The following COL21A1 variants were observed in gnomAD, a reference collection of about 807,000 sequenced individuals.
COL21A1 encodes collagen alpha-1(XXI) chain.
Under a neutral mutation model 137.9 loss-of-function variants are expected in COL21A1, and 149 were observed. The ratio of observed to expected loss-of-function variants is 1.08; its 90% CI spans 0.95 to 1.24. The LOEUF (loss-of-function observed/expected upper bound fraction) is 1.24. Ranked by LOEUF, COL21A1 falls within the 50% of genes most tolerant of loss-of-function variation. The probability of loss-of-function intolerance (pLI) is 0.00; values close to 1 mark genes in which losing one functional copy is unlikely to be tolerated. For missense variants in COL21A1, 1,167 were observed against 1,158.4 expected, an observed-to-expected ratio of 1.01 and a Z score of -0.11; for synonymous variants, 456 against 391.5, an observed-to-expected ratio of 1.16 and a Z score of -1.95.
chr6:56,293,300 G>T (rs1764095132), intron 1 of COL21A1, among the ~76,000 whole-genome samples: 1 of 152,106 alleles, frequency 6.6e-6, no homozygotes, highest in Non-Finnish European at 1.5e-5. Flanking sequence ...TACGATCATT[G>T]TCTTGTATAT....
chr6:56,294,607 TA>T (rs949456409), intron 1 of COL21A1, among the ~76,000 whole-genome samples: 2 of 152,066 alleles, frequency 1.3e-5, no homozygotes, highest in African/African-American at 4.8e-5. Flanking sequence ...TAATTTACAT[TA>T]GGGGTCACTG....
At chr6:56,096,729 T>C (rs1194625950) in intron 17 of COL21A1, among the ~76,000 whole-genome samples, 1 of 152,158 alleles carries the variant, frequency 6.6e-6, no homozygotes, top group South Asian at 2.1e-4. Context: ...TGTGTTTAAT[T>C]AGCTTTAAAG....
At chr6:56,369,467 T>C (rs906156284) in intron 1 of COL21A1, among the ~76,000 whole-genome samples, 1 of 151,964 alleles carries the variant, frequency 6.6e-6, no homozygotes, top group Non-Finnish European at 1.5e-5. Flanking sequence ...TGTCTGATGT[T>C]GAGACCCAGA....
At chr6:56,110,903 A>G (rs1771369200) in intron 16 of COL21A1, among the ~76,000 whole-genome samples, 2 of 152,124 alleles carry the variant, frequency 1.3e-5, no homozygotes, top group South Asian at 4.1e-4. Flanking sequence ...TCCCCAAATA[A>G]ATTTAGAGAC....
At chr6:56,228,138 A>C (rs1781329518) in intron 1 of COL21A1, among the ~76,000 whole-genome samples, 1 of 151,924 alleles carries the variant, frequency 6.6e-6, no homozygotes, top group African/African-American at 2.4e-5. Flanking sequence ...CTTTTGCATT[A>C]AGTGAAGAGG....
intron 1 of COL21A1, among the ~76,000 whole-genome samples, chr6:56,237,556 T>G (rs1781987805): frequency 6.6e-6 from 1 of 152,074 alleles, no homozygotes; most frequent in Non-Finnish European, 1.5e-5. Flanking sequence ...ATATGACAGG[T>G]TACTAGAAAG....
At chr6:56,151,985 G>A (rs189659645) in intron 10 of COL21A1, among the ~76,000 whole-genome samples, 2 of 152,298 alleles carry the variant, frequency 1.3e-5, no homozygotes, top group Non-Finnish European at 2.9e-5. Flanking sequence ...TCATACCTTT[G>A]GGAAGACAGG....
At chr6:56,232,461 A>G (rs1176978011) in intron 1 of COL21A1, among the ~76,000 whole-genome samples, 2 of 151,926 alleles carry the variant, frequency 1.3e-5, no homozygotes, top group Admixed American at 1.3e-4. Context: ...TATAAACTCA[A>G]GACAGTATTG....
intron 1 of COL21A1, among the ~76,000 whole-genome samples, chr6:56,314,934 G>A (rs1420685210): frequency 1.3e-5 from 2 of 152,164 alleles, no homozygotes; most frequent in Non-Finnish European, 2.9e-5. Context: ...TTGAGCACCT[G>A]TAGACAAGAA....
intron 16 of COL21A1, among the ~76,000 whole-genome samples, chr6:56,103,899 A>G (rs1039039250): frequency 2.0e-5 from 3 of 152,168 alleles, no homozygotes. Context: ...AAGTTTACAG[A>G]AGGTGCTGAG....
chr6:56,314,669 C>CAAAA (rs1272712855), intron 1 of COL21A1, among the ~76,000 whole-genome samples: 10 of 152,088 alleles, frequency 6.6e-5, no homozygotes, highest in Non-Finnish European at 1.3e-4. Flanking sequence ...TTCTAAAGTT[C>CAAAA]AAAACACTCA....
At chr6:56,101,254 G>T in intron 17 of COL21A1, among the ~76,000 whole-genome samples, 1 of 152,142 alleles carries the variant, frequency 6.6e-6, no homozygotes, top group East Asian at 1.9e-4. Flanking sequence ...CTTGTGGTTT[G>T]TGACTCACAC....
Position 56,150,565 on chromosome 6 carries a change from C to CACACACACACACACACAA in COL21A1, c.1434+6321_1434+6322insTTGTGTGTGTGTGTGTGT, listed in dbSNP as rs1402170446. Among the ~76,000 whole-genome samples the CACACACACACACACACAA allele has an allele frequency of 9.0e-4, 101 of 112,704 alleles. 4 individuals are homozygous for CACACACACACACACACAA. Among genetic ancestry groups the CACACACACACACACACAA allele is most frequent in the African/African-American group, 3.2e-3 (89 of 27,618 alleles). The allele number at this position is 112,704 out of a possible 152,430, so 73.9% of individuals were successfully genotyped here. A position where few individuals can be genotyped will look rare whatever the true frequency, so the allele number is the denominator to read the frequency against. ...ACACACACACACACACACACACACA[C>CACACACACACACACACAA]AAGAGTGGGGGGAACTGAATCACGA... On this transcript the variant is annotated intron_variant, in intron 10 of 29. Coordinates refer to ENST00000244728, the MANE Select transcript of COL21A1 (RefSeq NM_030820.4).
Position 56,061,695 on chromosome 6 carries a change from T to C in COL21A1, c.2173-14A>G, listed in dbSNP as rs745983317. ...GCCTTGAATTCCCTTTGAAAATTAATAGAAAAAATATAATAAATGTGCAAG... is the reference window on the plus strand; with the variant it reads ...GCCTTGAATTCCCTTTGAAAATTAACAGAAAAAATATAATAAATGTGCAAG... On this transcript the variant is annotated splice_polypyrimidine_tract_variant and intron_variant, in intron 24 of 29. Coordinates refer to ENST00000244728, the MANE Select transcript of COL21A1 (RefSeq NM_030820.4). 1 of 1,544,574 alleles carries C rather than the reference T, an allele frequency of 6.5e-7. No individual in the cohort carries two copies. The highest frequency in any genetic ancestry group is 2.3e-5 in the East Asian group (1 of 42,610).
chr6:56,237,646 C>T (rs1401797417), intron 1 of COL21A1, among the ~76,000 whole-genome samples: 2 of 152,022 alleles, frequency 1.3e-5, no homozygotes, highest in Non-Finnish European at 2.9e-5. Flanking sequence ...AATTAGTCAA[C>T]CTTAGCATTT....
intron 1 of COL21A1, among the ~76,000 whole-genome samples, chr6:56,297,156 A>G (rs9349812): frequency 0.45 from 68,194 of 151,860 alleles, 17,269 homozygotes; most frequent in East Asian, 0.77. Flanking sequence ...ATGCAGGCCA[A>G]AATGACAACA....
At chr6:56,283,937 C>G (rs1763844834) in intron 1 of COL21A1, among the ~76,000 whole-genome samples, 1 of 151,622 alleles carries the variant, frequency 6.6e-6, no homozygotes, top group Admixed American at 6.6e-5. Context: ...GTAAACATAA[C>G]AGGAGTGGCC....
At chr6:56,149,226 G>A (rs994852026) in intron 10 of COL21A1, among the ~76,000 whole-genome samples, 1 of 152,004 alleles carries the variant, frequency 6.6e-6, no homozygotes, top group East Asian at 1.9e-4. Flanking sequence ...AGACTTAATA[G>A]GCATTAAAGA....
chr6:56,078,982 T>TTATATTCATATATA (rs1767491718), intron 17 of COL21A1, among the ~76,000 whole-genome samples: 2 of 151,584 alleles, frequency 1.3e-5, no homozygotes, highest in Non-Finnish European at 3.0e-5. Context: ...AATCACTGAG[T>TTATATTCATATATA]TATGAATATA....
Sources: gnomAD v4.1 joint callset for allele counts (sites outside exome capture counted in the v4.1 genomes callset) on GRCh38, gnomAD v4.1.1 for gene constraint, MANE v1.5 for transcripts, NCBI Gene and HGNC (gene_info 2026-07-23, HGNC 2026-07-21) for gene names.